Variants in HDAC8 observed in about 807,000 individuals in gnomAD.
The protein encoded by HDAC8 is histone deacetylase-like 1.
In HDAC8, 1 loss-of-function variant was observed where a neutral mutation model predicts 32.2. That is an observed-to-expected ratio of 0.03 (90% CI 0.01 to 0.15). HDAC8 has a LOEUF of 0.15. HDAC8 is among the 10% of genes least tolerant of loss of function. The pLI, the probability that HDAC8 is intolerant of heterozygous loss-of-function variation, is 1.00. For missense variants in HDAC8, 117 were observed against 300.0 expected (o/e 0.39, Z 4.51); for synonymous variants, 108 against 113.9 (o/e 0.95, Z 0.33).
intron 7 of HDAC8, among the ~76,000 whole-genome samples, chrX:72,468,374 G>A (rs1242777906): frequency 9.0e-6 from 1 of 111,113 alleles, no homozygotes; most frequent in Non-Finnish European, 1.9e-5. Context: ...AACATTGGGA[G>A]GGCTAATTGA....
intron 10 of HDAC8, among the ~76,000 whole-genome samples, chrX:72,340,822 A>G (rs2043869404): frequency 8.9e-6 from 1 of 111,973 alleles, no homozygotes; most frequent in Admixed American, 9.5e-5. Context: ...AAAGACCTTT[A>G]CTGGAGCCAA....
chrX:72,418,335 A>G (rs1368246837), intron 9 of HDAC8, among the ~76,000 whole-genome samples: 6 of 111,696 alleles, frequency 5.4e-5, no homozygotes, highest in African/African-American at 1.9e-4. Flanking sequence ...TTAAACAAAT[A>G]AGCAAAAAAC....
intron 10 of HDAC8, among the ~76,000 whole-genome samples, chrX:72,343,469 G>C (rs782283306): frequency 9.1e-6 from 1 of 109,872 alleles, no homozygotes; most frequent in African/African-American, 3.3e-5. Context: ...TACCATGCCC[G>C]GCCGAACTCA....
At chrX:72,545,419 T>A in intron 4 of HDAC8, among the ~76,000 whole-genome samples, 1 of 112,506 alleles carries the variant, frequency 8.9e-6, no homozygotes, top group East Asian at 2.8e-4. Context: ...ACTGCAATTA[T>A]CACATTTAAT....
At position 72,354,364 on chromosome X, in the gene HDAC8, A is replaced by G. The variant is rs191402088; in HGVS notation, c.1006-2526T>C. 2.1e-3 allele frequency among the ~76,000 whole-genome samples: 231 copies of G among 112,358 alleles called. 3 individuals carry two copies. The highest frequency in any genetic ancestry group is 1.7e-3 in the Non-Finnish European group (90 of 53,298). ...TCCTTGTGTTGTGAGCCAGTTCTAC[A>G]TGGCAGCTGGCTGGCCTGCAAAGGT... On this transcript the variant is annotated intron_variant, in intron 9 of 10. Coordinates refer to ENST00000373573, the MANE Select transcript of HDAC8 (RefSeq NM_018486.3).
At chrX:72,397,207 G>A (rs2045788274) in intron 9 of HDAC8, among the ~76,000 whole-genome samples, 1 of 111,517 alleles carries the variant, frequency 9.0e-6, no homozygotes, top group South Asian at 3.8e-4. Context: ...CTCCTACTAG[G>A]CCCCATCTGC....
intron 9 of HDAC8, among the ~76,000 whole-genome samples, chrX:72,447,855 T>A (rs1403993884): frequency 1.8e-5 from 2 of 110,976 alleles, no homozygotes; most frequent in African/African-American, 6.6e-5. Context: ...GAGAATAAAA[T>A]ACCTAGGAAT....
chrX:72,556,915 T>C (rs2051302343), intron 4 of HDAC8, among the ~76,000 whole-genome samples: 1 of 111,786 alleles, frequency 8.9e-6, no homozygotes, highest in African/African-American at 3.3e-5. Flanking sequence ...TTAACAGAGA[T>C]TTATAGAACA....
At chrX:72,410,030 C>T (rs1555969747) in intron 9 of HDAC8, among the ~76,000 whole-genome samples, 1 of 111,943 alleles carries the variant, frequency 8.9e-6, no homozygotes, top group East Asian at 2.8e-4. Flanking sequence ...GAATTTTAAG[C>T]ACAAGGGAGC....
chrX:72,535,763 G>A (rs186843492), intron 4 of HDAC8, among the ~76,000 whole-genome samples: 33 of 111,646 alleles, frequency 3.0e-4, no homozygotes, highest in African/African-American at 9.7e-4. Flanking sequence ...AGGAACTCAG[G>A]TAAATCCGGT....
intron 9 of HDAC8, among the ~76,000 whole-genome samples, chrX:72,439,139 A>C (rs1223526690): frequency 8.9e-6 from 1 of 112,078 alleles, no homozygotes; most frequent in Non-Finnish European, 1.9e-5. Context: ...ACAAGCCAGA[A>C]GAGAGTGGGG....
chrX:72,450,056 A>C lies in HDAC8; in HGVS notation c.1005+11948T>G, dbSNP rs782220664. 1.2e-4 allele frequency among the ~76,000 whole-genome samples: 14 copies of C among 112,497 alleles called. No homozygotes were observed. The East Asian group carries it at 2.8e-3, about 22-fold the overall frequency. On this transcript the variant is annotated intron_variant, in intron 9 of 10. Coordinates refer to ENST00000373573, the MANE Select transcript of HDAC8 (RefSeq NM_018486.3). ...AACCTATGGTACATCTATACCATGG[A>C]ATACCATTCATCCATAAAAAGGAAT... is the stretch of plus-strand genomic sequence containing the variant.
chrX:72,542,880 T>G (rs1461834161), intron 4 of HDAC8, among the ~76,000 whole-genome samples: 1 of 112,447 alleles, frequency 8.9e-6, no homozygotes, highest in African/African-American at 3.2e-5. Flanking sequence ...GAGCAAACAC[T>G]TTTTGGTGCT....
At chrX:72,533,213 T>A (rs782173496) in intron 4 of HDAC8, among the ~76,000 whole-genome samples, 1 of 112,018 alleles carries the variant, frequency 8.9e-6, no homozygotes, top group South Asian at 3.8e-4. Flanking sequence ...ATCCCATTGA[T>A]CTATGTATCT....
intron 7 of HDAC8, chrX:72,467,355 C>T (rs1487562806): frequency 3.6e-5 from 4 of 111,624 alleles, no homozygotes; most frequent in African/African-American, 1.3e-4. Flanking sequence ...TGGGACTTCC[C>T]TGTACATTTT....
chrX:72,411,030 C>CTTTTCTTTTCTTTCTTTCTTTCT (rs113344428), intron 9 of HDAC8, among the ~76,000 whole-genome samples: 50 of 83,548 alleles, frequency 6.0e-4, no homozygotes, highest in African/African-American at 2.4e-3. Flanking sequence ...TTCTTTCTTT[C>CTTTTCTTTTCTTTCTTTCTTTCT]TTTTTTTTTT....
chrX:72,345,594 T>C (rs969759559), intron 10 of HDAC8, among the ~76,000 whole-genome samples: 16 of 111,765 alleles, frequency 1.4e-4, no homozygotes, highest in African/African-American at 5.2e-4. Context: ...TCATGAGTAA[T>C]ATGCCAAGGG....
chrX:72,466,566 C>T, intron 7 of HDAC8: 1 of 111,717 alleles, frequency 9.0e-6, no homozygotes, highest in Non-Finnish European at 1.9e-5. Context: ...AACAACGATT[C>T]CTGGTAAGGA....
chrX:72,429,098 T>A (rs1203543178), intron 9 of HDAC8, among the ~76,000 whole-genome samples: 1 of 108,047 alleles, frequency 9.3e-6, no homozygotes, highest in Non-Finnish European at 1.9e-5. Context: ...CACCTTCCTG[T>A]GCCCTTGTCC....
Sources: allele counts gnomAD v4.1 joint callset (sites outside exome capture counted in the v4.1 genomes callset), GRCh38; gene constraint gnomAD v4.1.1; transcripts MANE v1.5; gene names NCBI Gene and HGNC (gene_info 2026-07-23, HGNC 2026-07-21).